The following MAD1L1 variants were observed in gnomAD, a reference collection of about 807,000 sequenced individuals.
MAD1L1 encodes the protein mitotic arrest deficient 1 like 1.
A neutral mutation model predicts 96.9 loss-of-function variants in MAD1L1; 95 were observed. That is an observed-to-expected ratio of 0.98 (90% CI 0.83 to 1.16). MAD1L1 has a LOEUF of 1.16. Among genes scored for constraint, MAD1L1 ranks in the 50% most tolerant of loss-of-function variants. The pLI is 0.00. For missense variants in MAD1L1, 1,007 were observed against 954.4 expected (o/e 1.06, Z -0.73); for synonymous variants, 473 against 396.6 (o/e 1.19, Z -2.29).
intron 12 of MAD1L1, among the ~76,000 whole-genome samples, chr7:2,057,573 G>A (rs1303402386): frequency 2.6e-5 from 4 of 151,292 alleles, no homozygotes; most frequent in Non-Finnish European, 4.4e-5. Flanking sequence ...TCGAGTGAGT[G>A]AACTGAGTCT....
intron 14 of MAD1L1, among the ~76,000 whole-genome samples, chr7:1,982,874 C>A (rs1324355926): frequency 6.6e-6 from 1 of 152,032 alleles, no homozygotes; most frequent in Non-Finnish European, 1.5e-5. Context: ...AGAAATTACC[C>A]ATATATTCCT....
intron 16 of MAD1L1, among the ~76,000 whole-genome samples, chr7:1,946,980 C>A (rs922041003): frequency 3.5e-4 from 54 of 152,310 alleles, no homozygotes; most frequent in Non-Finnish European, 7.3e-5. Flanking sequence ...GGCGTTGGCT[C>A]CATCTCTGTT....
Position 2,181,380 on chromosome 7 carries a change from G to A in MAD1L1, c.986+31832C>T, listed in dbSNP as rs142161108. ...GTCTCTGTTCTATGCAGCCACTGACGTTTCCACACGTTAGCCATGAGAAAT... is the reference window on the plus strand; with the variant it reads ...GTCTCTGTTCTATGCAGCCACTGACATTTCCACACGTTAGCCATGAGAAAT... On this transcript the variant is annotated intron_variant, in intron 10 of 18. Transcript: ENST00000265854. 4.3e-3 allele frequency among the ~76,000 whole-genome samples: 650 copies of A among 152,254 alleles called. 8 individuals are homozygous for A. Among genetic ancestry groups the A allele is most frequent in the African/African-American group, 0.015 (609 of 41,548 alleles).
At chr7:2,160,327 C>T (rs1433448837) in intron 10 of MAD1L1, among the ~76,000 whole-genome samples, 1 of 134,434 alleles carries the variant, frequency 7.4e-6, no homozygotes, top group East Asian at 2.3e-4. Flanking sequence ...CCACTGGATC[C>T]TATTTTTTTT....
At chr7:2,005,080 A>G (rs1192346249) in intron 13 of MAD1L1, among the ~76,000 whole-genome samples, 1 of 152,168 alleles carries the variant, frequency 6.6e-6, no homozygotes, top group African/African-American at 2.4e-5. Context: ...CAGGAGGACG[A>G]CCGCACGTCA....
chr7:1,966,159 C>A (rs1319254601), intron 15 of MAD1L1, among the ~76,000 whole-genome samples: 2 of 152,276 alleles, frequency 1.3e-5, no homozygotes, highest in East Asian at 1.9e-4. Flanking sequence ...ACAACCTGAA[C>A]TGGGATGGGA....
chr7:2,087,161 T>A (rs1309234764), intron 11 of MAD1L1, among the ~76,000 whole-genome samples: 1 of 152,024 alleles, frequency 6.6e-6, no homozygotes, highest in Non-Finnish European at 1.5e-5. Flanking sequence ...TGGAACTGAA[T>A]CATGGCTGTG....
In MAD1L1 at chr7:1,920,963, G is replaced by A. The variant is rs144257023; in HGVS notation, c.1807+15724C>T. ...TCATGTTCCCTGCTCCTCCTGCAAA[G>A]CTCGGCTCTGAGCCCTGGAGACGAC... On this transcript the variant is annotated intron_variant, in intron 17 of 18. Transcript: ENST00000265854. Among the ~76,000 whole-genome samples, 534 of 152,374 alleles carry A rather than the reference G, an allele frequency of 3.5e-3. 2 individuals are homozygous for A. Among genetic ancestry groups the A allele is most frequent in the South Asian group, 0.03 (146 of 4,834 alleles).
At position 2,221,611 on chromosome 7, in the gene MAD1L1, C is replaced by T. The variant is rs559828967; in HGVS notation, c.471+964G>A. ...GGAGAGGTCAGAAGATTCCAATTTC[C>T]ACCAGTGCCCATGTCTGGGCTGTTT... On this transcript the variant is annotated intron_variant, in intron 5 of 18. Coordinates refer to ENST00000265854, the MANE Select transcript of MAD1L1 (RefSeq NM_001013836.2). 1.7e-4 allele frequency among the ~76,000 whole-genome samples: 26 copies of T among 152,306 alleles called. No homozygotes were observed. In the South Asian group the frequency reaches 5.4e-3, roughly 32 times the overall value.
intron 3 of MAD1L1, 167 bp from the exon 4 acceptor site, chr7:2,225,717 G>A (rs1793858766): frequency 1.5e-6 from 1 of 676,534 alleles, no homozygotes; most frequent in Non-Finnish European, 2.5e-6. Context: ...ACAGGGGAGG[G>A]GCAGGAAACG....
chr7:2,198,684 G>A (rs1237454027), intron 10 of MAD1L1, among the ~76,000 whole-genome samples: 1 of 152,252 alleles, frequency 6.6e-6, no homozygotes, highest in African/African-American at 2.4e-5. Flanking sequence ...ACTCCCTGAT[G>A]TGTCCCACTC....
intron 11 of MAD1L1, among the ~76,000 whole-genome samples, chr7:2,098,499 T>C (rs1266949648): frequency 2.0e-5 from 3 of 152,124 alleles, no homozygotes; most frequent in Non-Finnish European, 4.4e-5. Flanking sequence ...CCACCAACCA[T>C]GCCGTACGCA....
chr7:1,957,584 G>A (rs374913935), intron 16 of MAD1L1, 45 bp downstream of exon 16: 5 of 1,576,056 alleles, frequency 3.2e-6, no homozygotes, highest in African/African-American at 1.4e-5. Flanking sequence ...CCAAAGAAAT[G>A]AGAGGCCCAG....
intron 13 of MAD1L1, among the ~76,000 whole-genome samples, chr7:2,006,754 C>T (rs1400101412): frequency 4.6e-5 from 7 of 152,142 alleles, no homozygotes; most frequent in East Asian, 3.9e-4. Context: ...AGACCCAAGA[C>T]GACGCTCTCT....
intron 11 of MAD1L1, among the ~76,000 whole-genome samples, chr7:2,079,432 T>C (rs1785528751): frequency 6.6e-6 from 1 of 152,100 alleles, no homozygotes; most frequent in Non-Finnish European, 1.5e-5. Flanking sequence ...TAATTACCAA[T>C]CAAAGGAACG....
chr7:1,985,582 C>T (rs1781102276), intron 14 of MAD1L1, among the ~76,000 whole-genome samples: 1 of 152,270 alleles, frequency 6.6e-6, no homozygotes, highest in Non-Finnish European at 1.5e-5. Flanking sequence ...CGGCTCTCAA[C>T]AGCGAAGCCG....
At chr7:2,025,133 G>A (rs1782944252) in intron 12 of MAD1L1, among the ~76,000 whole-genome samples, 1 of 152,214 alleles carries the variant, frequency 6.6e-6, no homozygotes, top group African/African-American at 2.4e-5. Flanking sequence ...GCTGTGGAAA[G>A]AATCATATGA....
chr7:1,997,239 G>GT (rs1249879153), intron 14 of MAD1L1, among the ~76,000 whole-genome samples: 1 of 152,108 alleles, frequency 6.6e-6, no homozygotes, highest in Non-Finnish European at 1.5e-5. Flanking sequence ...ATGACTTTGG[G>GT]TTGGAAAATA....
At chr7:2,126,177 C>T (rs1053172559) in intron 11 of MAD1L1, among the ~76,000 whole-genome samples, 22 of 152,166 alleles carry the variant, frequency 1.4e-4, no homozygotes, top group Admixed American at 6.5e-4. Flanking sequence ...CTGCAAAGAC[C>T]GGGCAGGATG....
Sources: gnomAD v4.1 joint callset for allele counts (sites outside exome capture counted in the v4.1 genomes callset) on GRCh38, gnomAD v4.1.1 for gene constraint, MANE v1.5 for transcripts, NCBI Gene and HGNC (gene_info 2026-07-23, HGNC 2026-07-21) for gene names.